The following XPR1 variants were observed in gnomAD, a reference collection of about 807,000 sequenced individuals.
XPR1 encodes the protein xenotropic and polytropic retrovirus receptor 1.
In XPR1, 28 loss-of-function variants were observed where a neutral mutation model predicts 87.5. The ratio of observed to expected loss-of-function variants is 0.32; its 90% CI spans 0.24 to 0.44. The LOEUF is 0.44. Among genes scored for constraint, XPR1 ranks in the 20% least tolerant of loss-of-function variants. XPR1 has a pLI of 1.00. For synonymous variants in XPR1, 300 were observed against 306.1 expected (o/e 0.98, Z 0.21); for missense variants, 559 against 862.3 (o/e 0.65, Z 4.41).
intron 11 of XPR1, among the ~76,000 whole-genome samples, chr1:180,843,293 A>AG (rs1381682865): frequency 6.6e-6 from 1 of 152,190 alleles, no homozygotes; most frequent in East Asian, 1.9e-4. Context: ...TTAAAAAAAA[A>AG]AAGATATACA....
intron 2 of XPR1, among the ~76,000 whole-genome samples, chr1:180,734,968 A>G (rs1658682664): frequency 6.6e-6 from 1 of 152,252 alleles, no homozygotes; most frequent in East Asian, 1.9e-4. Context: ...GCAGATGTGC[A>G]TAATTAGTAG....
intron 9 of XPR1, 136 bp from the exon 10 acceptor site, chr1:180,834,738 T>C: frequency 1.1e-6 from 1 of 941,876 alleles, no homozygotes; most frequent in South Asian, 2.0e-5. Context: ...TGTTGCCAGG[T>C]CTCTGTATTT....
At chr1:180,677,306 G>T (rs1157895435) in intron 1 of XPR1, among the ~76,000 whole-genome samples, 2 of 152,190 alleles carry the variant, frequency 1.3e-5, no homozygotes, top group Non-Finnish European at 2.9e-5. Context: ...GTCTATACAG[G>T]AGACCTGAGT....
At chr1:180,851,589 A>G (rs1408688873) in intron 11 of XPR1, among the ~76,000 whole-genome samples, 6 of 152,204 alleles carry the variant, frequency 3.9e-5, no homozygotes, top group African/African-American at 1.4e-4. Context: ...GCTTATTCCA[A>G]AGTCTTAACT....
At position 180,887,127 on chromosome 1, in the gene XPR1, A is replaced by T. The variant is rs1653037064; in HGVS notation, c.*3061A>T. The T allele has an allele frequency of 6.6e-6, 1 of 152,282 alleles. No individual in the cohort carries two copies. 9.4% of individuals were successfully genotyped at this position (152,282 alleles called of 1,614,324 possible). On this transcript the variant is annotated 3_prime_UTR_variant, in exon 15 of 15. Coordinates refer to ENST00000367590, the MANE Select transcript of XPR1 (RefSeq NM_004736.4). ...GCAGAGGTTGCAGTGAGACTAGATCATGCCACTGCACTCCACTGCCACTGC... is the reference window on the plus strand; with the variant it reads ...GCAGAGGTTGCAGTGAGACTAGATCTTGCCACTGCACTCCACTGCCACTGC...
At chr1:180,772,361 C>T (rs1648549061) in intron 2 of XPR1, among the ~76,000 whole-genome samples, 1 of 152,144 alleles carries the variant, frequency 6.6e-6, no homozygotes, top group Admixed American at 6.5e-5. Context: ...AGACCCCTGA[C>T]TCCTTTTATT....
chr1:180,728,374 A>G (rs1310211912), intron 2 of XPR1, among the ~76,000 whole-genome samples: 1 of 151,664 alleles, frequency 6.6e-6, no homozygotes, highest in Non-Finnish European at 1.5e-5. Context: ...CCACAAACTG[A>G]TACCAGCCAG....
At position 180,672,173 on chromosome 1, in the gene XPR1, A is replaced by C. The variant is rs147823760; in HGVS notation, c.70-10187A>C. 4.3e-3 allele frequency among the ~76,000 whole-genome samples: 649 copies of C among 152,312 alleles called. 10 individuals carry two copies. Among genetic ancestry groups the C allele is most frequent in the African/African-American group, 0.015 (628 of 41,566 alleles). On this transcript the variant is annotated intron_variant, in intron 1 of 14. Transcript: ENST00000367590. ...GACATATTCCAAATTGATTCCTCCTATTACAGATTACATATATCTTATATA... is the reference window on the plus strand; with the variant it reads ...GACATATTCCAAATTGATTCCTCCTCTTACAGATTACATATATCTTATATA...
intron 1 of XPR1, among the ~76,000 whole-genome samples, chr1:180,656,651 T>C (rs1655538874): frequency 8.8e-6 from 1 of 114,028 alleles, no homozygotes; most frequent in Non-Finnish European, 1.6e-5. Context: ...TATTATTATA[T>C]ATAATATATA....
intron 2 of XPR1, among the ~76,000 whole-genome samples, chr1:180,716,419 T>C (rs1200929774): frequency 6.6e-6 from 1 of 152,234 alleles, no homozygotes; most frequent in Non-Finnish European, 1.5e-5. Context: ...TTCAAGCCTG[T>C]CTGATCTTGT....
chr1:180,866,946 A>G (rs552303557), intron 12 of XPR1, among the ~76,000 whole-genome samples: 1 of 108,634 alleles, frequency 9.2e-6, no homozygotes, highest in African/African-American at 3.6e-5. Context: ...ATATCTCCCA[A>G]TGCTATCCCT....
chr1:180,681,506 C>T (rs754416461), intron 1 of XPR1, among the ~76,000 whole-genome samples: 53 of 152,022 alleles, frequency 3.5e-4, no homozygotes, highest in African/African-American at 9.7e-4. Context: ...ATTAGCCGAG[C>T]GTGGTGGCGG....
intron 7 of XPR1, among the ~76,000 whole-genome samples, chr1:180,818,915 A>T (rs1047608317): frequency 6.6e-6 from 1 of 152,112 alleles, no homozygotes; most frequent in Non-Finnish European, 1.5e-5. Context: ...GAATAACTTG[A>T]CTATTAACAG....
chr1:180,725,013 A>G (rs562930861), intron 2 of XPR1, among the ~76,000 whole-genome samples: 1 of 152,310 alleles, frequency 6.6e-6, no homozygotes, highest in South Asian at 2.1e-4. Flanking sequence ...AGGATTGAAC[A>G]TTTCAGACCT....
chr1:180,708,276 C>T (rs976351554), intron 2 of XPR1, among the ~76,000 whole-genome samples: 4 of 152,112 alleles, frequency 2.6e-5, no homozygotes, highest in African/African-American at 9.7e-5. Flanking sequence ...CTGTGATTTA[C>T]AAGACTGCAT....
chr1:180,652,848 C>A (rs1260622082), intron 1 of XPR1, among the ~76,000 whole-genome samples: 1 of 152,166 alleles, frequency 6.6e-6, no homozygotes, highest in African/African-American at 2.4e-5. Flanking sequence ...CACACAGTTT[C>A]TGTGTAGCAT....
At chr1:180,722,472 G>A (rs1658207714) in intron 2 of XPR1, among the ~76,000 whole-genome samples, 1 of 152,146 alleles carries the variant, frequency 6.6e-6, no homozygotes, top group Non-Finnish European at 1.5e-5. Flanking sequence ...TTTAAGACAA[G>A]ACTAAGTGAA....
chr1:180,695,180 C>A (rs182719514), intron 2 of XPR1, among the ~76,000 whole-genome samples: 1 of 152,166 alleles, frequency 6.6e-6, no homozygotes, highest in East Asian at 1.9e-4. Context: ...ACCTATTGGC[C>A]ATTTGTATGT....
At chr1:180,644,645 T>C (rs569071834) in intron 1 of XPR1, among the ~76,000 whole-genome samples, 1 of 152,214 alleles carries the variant, frequency 6.6e-6, no homozygotes, top group African/African-American at 2.4e-5. Flanking sequence ...TGAGATAGTA[T>C]GTATGTAAAA....
Sources: allele counts gnomAD v4.1 joint callset (sites outside exome capture counted in the v4.1 genomes callset), GRCh38; gene constraint gnomAD v4.1.1; transcripts MANE v1.5; gene names NCBI Gene and HGNC (gene_info 2026-07-23, HGNC 2026-07-21).